Variants in CNOT4 observed in about 807,000 individuals in gnomAD.
CNOT4 encodes the protein CCR4-NOT transcription complex subunit 4, also known as CCR4-associated factor 4.
In CNOT4, 8 loss-of-function variants were observed where a neutral mutation model predicts 73.8. That is an observed-to-expected ratio of 0.11 (90% CI 0.06 to 0.20). The LOEUF (loss-of-function observed/expected upper bound fraction) is 0.20. Ranked by LOEUF, CNOT4 falls within the 10% of genes least tolerant of loss-of-function variation. The probability of loss-of-function intolerance (pLI) is 1.00; values close to 1 mark genes in which losing one functional copy is unlikely to be tolerated. For synonymous variants in CNOT4, 293 were observed against 321.1 expected, an observed-to-expected ratio of 0.91 and a Z score of 0.94; for missense variants, 564 against 883.4, an observed-to-expected ratio of 0.64 and a Z score of 4.58.
At chr7:135,487,577 C>T (rs535984975) in intron 1 of CNOT4, among the ~76,000 whole-genome samples, 23 of 151,994 alleles carry the variant, frequency 1.5e-4, no homozygotes, top group African/African-American at 5.3e-4. Context: ...TGGACTCTTT[C>T]GAGTCGGTAA....
At chr7:135,482,702 C>T (rs148863147) in intron 1 of CNOT4, among the ~76,000 whole-genome samples, 22 of 150,160 alleles carry the variant, frequency 1.5e-4, no homozygotes, top group East Asian at 8.1e-4. Flanking sequence ...GATGAAAGGC[C>T]GAGCACAGTG....
chr7:135,420,443 G>GA (rs1798121389), intron 3 of CNOT4, among the ~76,000 whole-genome samples: 1 of 151,782 alleles, frequency 6.6e-6, no homozygotes, highest in African/African-American at 2.4e-5. Flanking sequence ...CAGGTGTGGT[G>GA]ATATGCACCT....
intron 2 of CNOT4, among the ~76,000 whole-genome samples, chr7:135,429,726 C>A (rs1400053696): frequency 2.0e-5 from 3 of 152,096 alleles, no homozygotes; most frequent in Non-Finnish European, 2.9e-5. Context: ...CAGAACTAGA[C>A]AAAATACAGG....
At chr7:135,367,922 G>T (rs1795001698) in intron 10 of CNOT4, among the ~76,000 whole-genome samples, 1 of 152,106 alleles carries the variant, frequency 6.6e-6, no homozygotes, top group African/African-American at 2.4e-5. Context: ...GGGAATGAGT[G>T]TTTATTCTTA....
intron 1 of CNOT4, among the ~76,000 whole-genome samples, chr7:135,491,940 T>C (rs576265447): frequency 1.1e-4 from 16 of 152,284 alleles, no homozygotes; most frequent in African/African-American, 3.4e-4. Flanking sequence ...TGGGACTATA[T>C]AGAAACATAG....
intron 3 of CNOT4, among the ~76,000 whole-genome samples, chr7:135,415,483 C>G (rs1345624777): frequency 6.6e-6 from 1 of 152,084 alleles, no homozygotes; most frequent in East Asian, 1.9e-4. Flanking sequence ...TGAATAGAAA[C>G]TGAGACTCAC....
At chr7:135,482,289 C>T (rs1191115628) in intron 1 of CNOT4, among the ~76,000 whole-genome samples, 1 of 152,132 alleles carries the variant, frequency 6.6e-6, no homozygotes, top group Non-Finnish European at 1.5e-5. Context: ...AGTGTGGTGG[C>T]TCATGCCTGT....
At chr7:135,415,866 T>C (rs999518892) in intron 3 of CNOT4, among the ~76,000 whole-genome samples, 8 of 152,134 alleles carry the variant, frequency 5.3e-5, no homozygotes, top group East Asian at 3.9e-4. Flanking sequence ...ATGAGGCTTT[T>C]TCCCCTACTT....
intron 2 of CNOT4, among the ~76,000 whole-genome samples, chr7:135,435,518 T>C (rs1327783134): frequency 6.6e-6 from 1 of 152,230 alleles, no homozygotes. Flanking sequence ...GTTCTTTTTA[T>C]AAGGAAATAT....
At chr7:135,492,647 T>C (rs1803190944) in intron 1 of CNOT4, among the ~76,000 whole-genome samples, 1 of 152,158 alleles carries the variant, frequency 6.6e-6, no homozygotes, top group Non-Finnish European at 1.5e-5. Flanking sequence ...GACATGATCA[T>C]GAGGCCAGGT....
At chr7:135,374,165 C>T (rs933993843) in intron 10 of CNOT4, among the ~76,000 whole-genome samples, 7 of 152,172 alleles carry the variant, frequency 4.6e-5, no homozygotes, top group African/African-American at 7.2e-5. Context: ...CTTTCCCCTT[C>T]TGCTGCCCAT....
chr7:135,371,805 T>C (rs1795218039), intron 10 of CNOT4, among the ~76,000 whole-genome samples: 1 of 152,110 alleles, frequency 6.6e-6, no homozygotes, highest in Admixed American at 6.5e-5. Context: ...CATACACCCT[T>C]AGAAGCATCA....
intron 3 of CNOT4, among the ~76,000 whole-genome samples, chr7:135,415,921 C>T (rs774528151): frequency 5.9e-5 from 9 of 152,020 alleles, no homozygotes; most frequent in Non-Finnish European, 1.0e-4. Flanking sequence ...ACGTTTCTTT[C>T]TTTATTACCT....
intron 7 of CNOT4, 84 bp from the exon 8 acceptor site, chr7:135,398,310 A>AG (rs376120582): frequency 1.4e-6 from 1 of 729,732 alleles, no homozygotes; most frequent in Non-Finnish European, 2.4e-6. Context: ...GAAAAAAAAA[A>AG]CAGACACTTT....
intron 1 of CNOT4, among the ~76,000 whole-genome samples, chr7:135,497,319 G>A (rs550991330): frequency 6.6e-6 from 1 of 152,222 alleles, no homozygotes; most frequent in African/African-American, 2.4e-5. Flanking sequence ...TAAGGTAGGA[G>A]AATTGCTTGA....
chr7:135,448,707 A>C (rs1204721626), intron 1 of CNOT4, among the ~76,000 whole-genome samples: 1 of 152,202 alleles, frequency 6.6e-6, no homozygotes, highest in Non-Finnish European at 1.5e-5. Context: ...CCATAATTGC[A>C]GAAGGAAGGT....
chr7:135,373,105 T>C (rs1329037790), intron 10 of CNOT4, among the ~76,000 whole-genome samples: 5 of 152,156 alleles, frequency 3.3e-5, no homozygotes, highest in Non-Finnish European at 7.4e-5. Flanking sequence ...AAAAGATGGG[T>C]AGAGGTATAT....
chr7:135,453,574 G>A (rs991377614), intron 1 of CNOT4, among the ~76,000 whole-genome samples: 1 of 151,688 alleles, frequency 6.6e-6, no homozygotes, highest in African/African-American at 2.4e-5. Context: ...AAGGGGACAT[G>A]GAGGAAGCGT....
intron 7 of CNOT4, among the ~76,000 whole-genome samples, chr7:135,399,398 T>C (rs1435440340): frequency 2.0e-5 from 3 of 152,084 alleles, no homozygotes; most frequent in Non-Finnish European, 4.4e-5. Flanking sequence ...AGCATTTGTG[T>C]ATCTAAATAT....
Sources: allele counts gnomAD v4.1 joint callset (sites outside exome capture counted in the v4.1 genomes callset), GRCh38; gene constraint gnomAD v4.1.1; transcripts MANE v1.5; gene names NCBI Gene and HGNC (gene_info 2026-07-23, HGNC 2026-07-21).